Variants in CHSY3 observed in about 807,000 individuals in gnomAD.
The protein encoded by CHSY3 is chondroitin sulfate synthase 3.
CHSY3 carries 35 observed loss-of-function variants against 67.2 expected under a neutral mutation model. The ratio of observed to expected loss-of-function variants is 0.52; its 90% CI spans 0.40 to 0.69. CHSY3 has a LOEUF of 0.69. Among genes scored for constraint, CHSY3 ranks in the 30% least tolerant of loss-of-function variants. The probability of loss-of-function intolerance (pLI) is 0.00; values close to 1 mark genes in which losing one functional copy is unlikely to be tolerated. For synonymous variants in CHSY3, 474 were observed against 434.7 expected, an observed-to-expected ratio of 1.09 and a Z score of -1.12; for missense variants, 1,069 against 1,138.5, an observed-to-expected ratio of 0.94 and a Z score of 0.88.
chr5:130,130,281 T>C (rs1359904576), intron 2 of CHSY3, among the ~76,000 whole-genome samples: 1 of 152,160 alleles, frequency 6.6e-6, no homozygotes, highest in African/African-American at 2.4e-5. Flanking sequence ...TTTTATAGTT[T>C]ATGCATTTCT....
chr5:130,121,010 G>A (rs772330448), intron 2 of CHSY3, among the ~76,000 whole-genome samples: 7 of 152,176 alleles, frequency 4.6e-5, no homozygotes, highest in Non-Finnish European at 1.0e-4. Context: ...TCTGGGGATC[G>A]GCATCTTTTC....
intron 2 of CHSY3, among the ~76,000 whole-genome samples, chr5:129,937,502 T>C (rs1761538968): frequency 6.6e-6 from 1 of 152,076 alleles, no homozygotes; most frequent in Admixed American, 6.6e-5. Flanking sequence ...CCAAGTCTCA[T>C]GTCCTTCTCA....
At chr5:130,162,572 T>TGATGCCCAGCCCTACCC (rs1769589587) in intron 2 of CHSY3, among the ~76,000 whole-genome samples, 1 of 152,026 alleles carries the variant, frequency 6.6e-6, no homozygotes, top group African/African-American at 2.4e-5. Flanking sequence ...TCTTGTTCTG[T>TGATGCCCAGCCCTACCC]CACCCAGGAT....
At chr5:130,038,244 T>C (rs1764913586) in intron 2 of CHSY3, among the ~76,000 whole-genome samples, 2 of 152,102 alleles carry the variant, frequency 1.3e-5, no homozygotes, top group Admixed American at 1.3e-4. Flanking sequence ...AGAACTTTTG[T>C]TCCTGAAAAA....
chr5:130,145,739 A>C (rs1314121740), intron 2 of CHSY3, among the ~76,000 whole-genome samples: 2 of 152,226 alleles, frequency 1.3e-5, no homozygotes, highest in Admixed American at 6.5e-5. Context: ...TAAGTAATTT[A>C]AACAACTCAA....
Position 129,905,288 on chromosome 5 carries a change from C to T in CHSY3, c.459C>T (p.Ser153=), listed in dbSNP as rs1264105401. ...GQRRDGRPGS[S]HNGSGDGGAA... ...GGAGAGACGGCCGGCCGGGGAGTAG[C>T]CACAACGGCAGCGGGGACGGGGGCG... Residue 153 remains serine (S), a synonymous_variant, in exon 1 of 3, where the codon AGC becomes AGT. Transcript: ENST00000305031. 3 of 1,477,994 alleles carry T rather than the reference C, an allele frequency of 2.0e-6. No individual in the cohort carries two copies. Among genetic ancestry groups the T allele is most frequent in the Non-Finnish European group, 2.7e-6 (3 of 1,116,702 alleles). 91.6% of individuals were successfully genotyped at this position (1,477,994 alleles called of 1,614,324 possible).
At chr5:129,936,035 T>C (rs1761476864) in intron 2 of CHSY3, among the ~76,000 whole-genome samples, 1 of 152,210 alleles carries the variant, frequency 6.6e-6, no homozygotes, top group African/African-American at 2.4e-5. Flanking sequence ...AAGTACTGAT[T>C]AAATGGTAAT....
chr5:130,030,027 A>G (rs1253666355), intron 2 of CHSY3, among the ~76,000 whole-genome samples: 2 of 151,984 alleles, frequency 1.3e-5, no homozygotes, highest in Non-Finnish European at 2.9e-5. Flanking sequence ...CTATACTTAA[A>G]TTTTTTTCCT....
intron 2 of CHSY3, among the ~76,000 whole-genome samples, chr5:130,009,995 TAG>T (rs1329802445): frequency 6.6e-6 from 1 of 152,050 alleles, no homozygotes; most frequent in East Asian, 1.9e-4. Context: ...AACAAGTAAT[TAG>T]AGACCAATTA....
In CHSY3 at chr5:130,104,715, TG is replaced by T. The variant is rs200008451; in HGVS notation, c.1087-79513del. 6.2e-3 allele frequency among the ~76,000 whole-genome samples: 944 copies of T among 151,838 alleles called. 7 individuals are homozygous for T. Among genetic ancestry groups the T allele is most frequent in the African/African-American group, 0.021 (874 of 41,514 alleles). ...ACTTGTTAATGTTTCGACTTGTTAA[TG>T]TTTTTTGTTAATGAATATGAATTAA... is the stretch of plus-strand genomic sequence containing the variant. On this transcript the variant is annotated intron_variant, in intron 2 of 2. Coordinates refer to ENST00000305031, the MANE Select transcript of CHSY3 (RefSeq NM_175856.5).
chr5:130,131,462 C>T (rs544091165), intron 2 of CHSY3, among the ~76,000 whole-genome samples: 9 of 152,142 alleles, frequency 5.9e-5, no homozygotes, highest in Non-Finnish European at 1.2e-4. Flanking sequence ...TACATTTTCA[C>T]TTAAACTTAG....
chr5:130,019,635 A>G (rs919997829), intron 2 of CHSY3, among the ~76,000 whole-genome samples: 5 of 152,194 alleles, frequency 3.3e-5, no homozygotes, highest in Admixed American at 2.0e-4. Flanking sequence ...TCAAAATAAC[A>G]ACCTCGTTTA....
At chr5:130,012,782 C>A (rs1189034893) in intron 2 of CHSY3, among the ~76,000 whole-genome samples, 1 of 152,062 alleles carries the variant, frequency 6.6e-6, no homozygotes, top group Non-Finnish European at 1.5e-5. Flanking sequence ...CAAACCATAT[C>A]ATTTTGCTCC....
chr5:129,979,448 C>A (rs1003283667), intron 2 of CHSY3, among the ~76,000 whole-genome samples: 1 of 151,896 alleles, frequency 6.6e-6, no homozygotes, highest in African/African-American at 2.4e-5. Context: ...TTCTGGCCTT[C>A]CTTTTTTTTT....
intron 2 of CHSY3, among the ~76,000 whole-genome samples, chr5:129,960,494 G>C (rs954892123): frequency 5.9e-5 from 9 of 151,910 alleles, no homozygotes; most frequent in Admixed American, 2.6e-4. Flanking sequence ...AAAGACAACT[G>C]TAGTATGATG....
intron 2 of CHSY3, among the ~76,000 whole-genome samples, chr5:129,951,519 C>CT (rs1762022141): frequency 1.3e-5 from 2 of 152,194 alleles, no homozygotes; most frequent in South Asian, 2.1e-4. Flanking sequence ...CTGTAAATTG[C>CT]TTTTTTTAAA....
At chr5:130,107,385 G>A (rs1183696910) in intron 2 of CHSY3, among the ~76,000 whole-genome samples, 1 of 151,228 alleles carries the variant, frequency 6.6e-6, no homozygotes, top group East Asian at 1.9e-4. Context: ...ATTTAACAAC[G>A]AAGGTGACTT....
intron 2 of CHSY3, among the ~76,000 whole-genome samples, chr5:130,177,506 A>T (rs756021461): frequency 6.6e-6 from 1 of 152,036 alleles, no homozygotes; most frequent in Admixed American, 6.6e-5. Context: ...TTCTCCTAAC[A>T]CTTCATTGAT....
chr5:130,172,366 T>A (rs562070832), intron 2 of CHSY3, among the ~76,000 whole-genome samples: 1 of 150,324 alleles, frequency 6.7e-6, no homozygotes, highest in African/African-American at 2.4e-5. Flanking sequence ...GGGCTCACTT[T>A]GCCACCCAGG....
Sources: allele counts gnomAD v4.1 joint callset (sites outside exome capture counted in the v4.1 genomes callset), GRCh38; gene constraint gnomAD v4.1.1; transcripts MANE v1.5; gene names NCBI Gene and HGNC (gene_info 2026-07-23, HGNC 2026-07-21).